INTS13: variants seen among roughly 807,000 people sequenced by gnomAD.
The protein encoded by INTS13 is asunder, spermatogenesis regulator homolog (Drosphila).
INTS13 carries 35 observed loss-of-function variants against 90.2 expected under a neutral mutation model. That is an observed-to-expected ratio of 0.39 (90% CI 0.30 to 0.51). The LOEUF is 0.51. Ranked by LOEUF, INTS13 falls within the 20% of genes least tolerant of loss-of-function variation. The pLI is 0.80. For missense variants in INTS13, 601 were observed against 851.2 expected, an observed-to-expected ratio of 0.71 and a Z score of 3.66; for synonymous variants, 309 against 277.1, an observed-to-expected ratio of 1.11 and a Z score of -1.14.
intron 8 of INTS13, 57 bp downstream of exon 8, chr12:26,922,559 T>C: frequency 7.5e-7 from 1 of 1,333,066 alleles, no homozygotes. Flanking sequence ...TGGGGGCTAC[T>C]GTAATATGCT....
rs539064493 is a variant in INTS13, at chr12:26,923,591, C to G, written c.804+764G>C. ...TCAGTAAAAACCCATTTGAAGCTTA[C>G]TATGGGCCGGGCACTGTGCTAGCCC... On this transcript the variant is annotated intron_variant, in intron 7 of 16. Coordinates refer to ENST00000261191, the MANE Select transcript of INTS13 (RefSeq NM_018164.3). 2.6e-5 allele frequency among the ~76,000 whole-genome samples: 4 copies of G among 152,250 alleles called. No homozygotes were observed. In the South Asian group the frequency reaches 8.3e-4, roughly 32 times the overall value.
In INTS13 at chr12:26,936,513, T is replaced by TA. The variant is rs148292712; in HGVS notation, c.225+65dup. On this transcript the variant is annotated intron_variant, in intron 2 of 16. Coordinates refer to ENST00000261191, the MANE Select transcript of INTS13 (RefSeq NM_018164.3). ...AGTCATTATCTATAGCAAATTCATA[T>TA]AAAAATTCATTTATGCAGTTAAGTA... 3 of 1,193,934 alleles carry TA rather than the reference T, an allele frequency of 2.5e-6. No individual in the cohort carries two copies. In the African/African-American group the frequency reaches 4.6e-5, roughly 18 times the overall value. The allele number at this position is 1,193,934 out of a possible 1,614,324, so 74.0% of individuals were successfully genotyped here.
intron 3 of INTS13, among the ~76,000 whole-genome samples, chr12:26,930,977 T>C (rs1938155620): frequency 6.6e-6 from 1 of 152,218 alleles, no homozygotes; most frequent in African/African-American, 2.4e-5. Flanking sequence ...AATCAAAGCC[T>C]ACTGAGTGAA....
intron 15 of INTS13, among the ~76,000 whole-genome samples, chr12:26,907,069 A>C (rs74979840): frequency 0.011 from 1,718 of 152,322 alleles, 28 homozygotes; most frequent in African/African-American, 0.039. Flanking sequence ...CCAAACCTGC[A>C]AGCAGGCTTT....
chr12:26,914,916 C>T (rs1036960550), intron 11 of INTS13, among the ~76,000 whole-genome samples: 1 of 152,062 alleles, frequency 6.6e-6, no homozygotes, highest in African/African-American at 2.4e-5. Context: ...CATTAGAAGA[C>T]CCATTTGCTT....
chr12:26,924,059 A>AG (rs1937728190), intron 7 of INTS13, among the ~76,000 whole-genome samples: 1 of 152,222 alleles, frequency 6.6e-6, no homozygotes, highest in South Asian at 2.1e-4. Flanking sequence ...ACCTGGTCAA[A>AG]GACATTGAAT....
At chr12:26,932,056 CAG>C (rs1938221537) in intron 3 of INTS13, among the ~76,000 whole-genome samples, 2 of 136,304 alleles carry the variant, frequency 1.5e-5, no homozygotes, top group South Asian at 4.6e-4. Flanking sequence ...CACTGCACTC[CAG>C]CCTGGGCAAC....
intron 8 of INTS13, among the ~76,000 whole-genome samples, chr12:26,917,965 T>C (rs1425377075): frequency 2.6e-5 from 4 of 151,884 alleles, no homozygotes; most frequent in Admixed American, 6.6e-5. Flanking sequence ...CTACTAAAAC[T>C]ACAGAAATGT....
chr12:26,910,858 CAG>C (rs1951751405), intron 15 of INTS13, among the ~76,000 whole-genome samples: 1 of 151,292 alleles, frequency 6.6e-6, no homozygotes, highest in African/African-American at 2.4e-5. Flanking sequence ...TTTTCTGAAA[CAG>C]AGTCTTGCTC....
chr12:26,915,071 C>A (rs1024882257), intron 11 of INTS13, among the ~76,000 whole-genome samples: 7 of 151,992 alleles, frequency 4.6e-5, no homozygotes, highest in South Asian at 4.2e-4. Flanking sequence ...TACTAAAATA[C>A]AAAAATTAGC....
chr12:26,926,923 G>C (rs940391997), intron 5 of INTS13, among the ~76,000 whole-genome samples: 5 of 152,146 alleles, frequency 3.3e-5, no homozygotes, highest in African/African-American at 1.2e-4. Context: ...TCCAGAGAGG[G>C]GACAGAAGCT....
At position 26,934,573 on chromosome 12, in the gene INTS13, C is replaced by A. The variant is rs1335612591; in HGVS notation, c.283G>T (p.Asp95Tyr). Residue 95 changes from aspartate to tyrosine, a missense_variant, in exon 3 of 17, where the codon GAC becomes TAC. By Grantham distance (160) the Asp-to-Tyr change is radical (BLOSUM62 -3). This residue lies in a region of INTS13 where 284 missense variants were observed against 387.7 expected (regional missense o/e 0.73). Coordinates refer to ENST00000261191, the MANE Select transcript of INTS13 (RefSeq NM_018164.3). The part of the protein sequence containing the change: ...AHVLNSWTQE[D>Y]QNLQELMAAL... ...AACCATACCTCCTGTAAATTTTGGT[C>A]TTCTTGAGTCCAAGAATTTAAAACA... 1.2e-6 allele frequency: 2 copies of A among 1,612,802 alleles called. No individual in the cohort carries two copies. The highest frequency in any genetic ancestry group is 1.7e-6 in the Non-Finnish European group (2 of 1,178,996).
At chr12:26,929,366 T>G (rs1413008213) in intron 3 of INTS13, among the ~76,000 whole-genome samples, 1 of 152,110 alleles carries the variant, frequency 6.6e-6, no homozygotes, top group East Asian at 1.9e-4. Flanking sequence ...TTTACTCTCA[T>G]CACTTCCATT....
chr12:26,923,022 T>A (rs1937671931), intron 7 of INTS13, among the ~76,000 whole-genome samples: 1 of 152,088 alleles, frequency 6.6e-6, no homozygotes, highest in Admixed American at 6.6e-5. Context: ...AATATACAAA[T>A]ATAATGTAAT....
chr12:26,933,505 G>A (rs1377981765), intron 3 of INTS13, among the ~76,000 whole-genome samples: 1 of 152,148 alleles, frequency 6.6e-6, no homozygotes, highest in Non-Finnish European at 1.5e-5. Flanking sequence ...TCAAAATTTT[G>A]AGGAAAAAGT....
At chr12:26,927,945 G>C (rs924246912) in intron 5 of INTS13, among the ~76,000 whole-genome samples, 1 of 151,584 alleles carries the variant, frequency 6.6e-6, no homozygotes, top group African/African-American at 2.4e-5. Flanking sequence ...ACAACTATGA[G>C]AAAAAAACCA....
chr12:26,936,298 T>C (rs1938455400), intron 2 of INTS13, among the ~76,000 whole-genome samples: 1 of 152,194 alleles, frequency 6.6e-6, no homozygotes, highest in South Asian at 2.1e-4. Context: ...ATAACTACAG[T>C]TCCTACCTAA....
At position 26,925,857 on chromosome 12, in the gene INTS13, A is replaced by T; in HGVS notation, c.585-6T>A. The T allele has an allele frequency of 2.5e-6, 4 of 1,608,106 alleles. No homozygotes were observed. The highest frequency in any genetic ancestry group is 2.6e-6 in the Non-Finnish European group (3 of 1,175,858). On this transcript the variant is annotated splice_polypyrimidine_tract_variant and splice_region_variant and intron_variant, in intron 5 of 16. Transcript: ENST00000261191. ...ATTTTTGAATCTGCATGAGACTTAA[A>T]GAGAAATTTTTGACTTAAAATTTAA... is the stretch of plus-strand genomic sequence containing the variant.
chr12:26,925,291 T>C (rs887115390), intron 6 of INTS13, among the ~76,000 whole-genome samples: 2 of 152,168 alleles, frequency 1.3e-5, no homozygotes, highest in African/African-American at 2.4e-5. Context: ...GTGGATCTAT[T>C]TGACAATCAA....
Sources: allele counts gnomAD v4.1 joint callset (sites outside exome capture counted in the v4.1 genomes callset), GRCh38; gene constraint gnomAD v4.1.1; regional missense constraint gnomAD v4.1.1; transcripts MANE v1.5; gene names NCBI Gene and HGNC (gene_info 2026-07-23, HGNC 2026-07-21).